Variants in MCTP2 observed in about 807,000 individuals in gnomAD.
MCTP2 encodes the protein multiple C2 and transmembrane domain containing 2.
In MCTP2, 132 loss-of-function variants were observed where a neutral mutation model predicts 111.6. The ratio of observed to expected loss-of-function variants is 1.18; its 90% CI spans 1.03 to 1.37. The LOEUF (loss-of-function observed/expected upper bound fraction) is 1.37. Ranked by LOEUF, MCTP2 falls within the 40% of genes most tolerant of loss-of-function variation. MCTP2 has a pLI of 0.00. For synonymous variants in MCTP2, 395 were observed against 387.7 expected (o/e 1.02, Z -0.22); for missense variants, 1,183 against 1,067.9 (o/e 1.11, Z -1.50).
intron 1 of MCTP2, among the ~76,000 whole-genome samples, chr15:94,267,538 TG>T (rs2073612092): frequency 6.6e-6 from 1 of 152,194 alleles, no homozygotes; most frequent in African/African-American, 2.4e-5. Flanking sequence ...GTGCAAGTCT[TG>T]GTGTGGAGAT....
chr15:94,431,056 C>T (rs1342726697), intron 17 of MCTP2, among the ~76,000 whole-genome samples: 1 of 152,064 alleles, frequency 6.6e-6, no homozygotes, highest in East Asian at 1.9e-4. Flanking sequence ...ATCTTCAATC[C>T]TCATATACAA....
At chr15:94,237,649 A>G (rs1791654086) in intron 1 of MCTP2, among the ~76,000 whole-genome samples, 1 of 152,224 alleles carries the variant, frequency 6.6e-6, no homozygotes, top group Non-Finnish European at 1.5e-5. Context: ...ATATTTTGAA[A>G]TGGTCCTGCA....
At chr15:94,437,641 A>C (rs182862353) in intron 17 of MCTP2, among the ~76,000 whole-genome samples, 46 of 152,260 alleles carry the variant, frequency 3.0e-4, no homozygotes, top group African/African-American at 1.1e-3. Context: ...ATTCTGAAAT[A>C]CACGTGGAAG....
intron 2 of MCTP2, among the ~76,000 whole-genome samples, chr15:94,313,347 C>T (rs898343066): frequency 6.6e-6 from 1 of 152,170 alleles, no homozygotes; most frequent in Non-Finnish European, 1.5e-5. Flanking sequence ...CTAACTACTG[C>T]ATGATGCAGG....
intron 17 of MCTP2, among the ~76,000 whole-genome samples, chr15:94,429,907 T>C (rs1303708969): frequency 1.3e-5 from 2 of 152,160 alleles, no homozygotes; most frequent in African/African-American, 4.8e-5. Flanking sequence ...GACAAATCCA[T>C]TCATCTAAGT....
At chr15:94,412,699 C>T in intron 17 of MCTP2, among the ~76,000 whole-genome samples, 1 of 151,840 alleles carries the variant, frequency 6.6e-6, no homozygotes, top group East Asian at 1.9e-4. Context: ...CTAAGTATGC[C>T]TTTGTTAATA....
chr15:94,402,028 C>T lies in MCTP2; in HGVS notation c.2085+9C>T, dbSNP rs764741385. 7 of 1,608,884 alleles carry T rather than the reference C, an allele frequency of 4.4e-6. No homozygotes were observed. In the African/African-American group the frequency reaches 5.4e-5, roughly 12 times the overall value. On this transcript the variant is annotated intron_variant, in intron 17 of 22. Transcript: ENST00000357742. ...GTACAATAGCATTCGCGGTAAGCTT[C>T]CTTTCTTATGTTCAAACTATTTGCT... is the stretch of plus-strand genomic sequence containing the variant.
chr15:94,367,157 C>T (rs1052823331), intron 10 of MCTP2, among the ~76,000 whole-genome samples: 4 of 150,844 alleles, frequency 2.7e-5, no homozygotes, highest in Admixed American at 6.7e-5. Context: ...CATTAACCCT[C>T]TCCCACTTGC....
chr15:94,468,714 A>G (rs1307430083), intron 20 of MCTP2, among the ~76,000 whole-genome samples: 2 of 152,126 alleles, frequency 1.3e-5, no homozygotes, highest in Admixed American at 6.5e-5. Flanking sequence ...GGCTCAATGC[A>G]ACCTCCACTT....
chr15:94,332,537 C>G (rs1231833205), intron 4 of MCTP2, among the ~76,000 whole-genome samples: 2 of 152,136 alleles, frequency 1.3e-5, no homozygotes, highest in African/African-American at 4.8e-5. Flanking sequence ...CCCTAAAGAG[C>G]TAGTAAATAA....
At chr15:94,441,104 C>T (rs559114771) in intron 18 of MCTP2, among the ~76,000 whole-genome samples, 10 of 152,122 alleles carry the variant, frequency 6.6e-5, no homozygotes, top group Non-Finnish European at 1.5e-4. Flanking sequence ...CTAGATGGAT[C>T]ACCTTCACAT....
At chr15:94,375,750 A>G (rs116855523) in intron 12 of MCTP2, among the ~76,000 whole-genome samples, 2,168 of 152,294 alleles carry the variant, frequency 0.014, 24 homozygotes, top group Middle Eastern at 0.041. Context: ...AGGAAAAATA[A>G]ATATGTTTCC....
At chr15:94,396,668 C>T (rs2081299726) in intron 14 of MCTP2, among the ~76,000 whole-genome samples, 1 of 152,140 alleles carries the variant, frequency 6.6e-6, no homozygotes, top group African/African-American at 2.4e-5. Context: ...TTAACCCAAA[C>T]ATATTCCAAA....
intron 1 of MCTP2, among the ~76,000 whole-genome samples, chr15:94,235,055 C>A (rs1179601026): frequency 1.3e-5 from 2 of 152,076 alleles, no homozygotes; most frequent in Non-Finnish European, 2.9e-5. Flanking sequence ...AGTTCGAGAC[C>A]GGCCTGGCCA....
At chr15:94,238,479 A>G (rs1374012845) in intron 1 of MCTP2, among the ~76,000 whole-genome samples, 5 of 152,188 alleles carry the variant, frequency 3.3e-5, no homozygotes, top group Non-Finnish European at 7.4e-5. Flanking sequence ...TCCAAGTAGA[A>G]GGCTTTTTTA....
chr15:94,295,768 A>T (rs1482385488), intron 1 of MCTP2, among the ~76,000 whole-genome samples: 1 of 152,180 alleles, frequency 6.6e-6, no homozygotes, highest in African/African-American at 2.4e-5. Flanking sequence ...ACAAAAAAAT[A>T]GCTGGGCATG....
At chr15:94,448,989 G>A (rs144091835) in intron 19 of MCTP2, among the ~76,000 whole-genome samples, 2,203 of 152,208 alleles carry the variant, frequency 0.014, 58 homozygotes, top group African/African-American at 0.05. Context: ...GCGGTGAGCC[G>A]AGATCGTGCC....
intron 8 of MCTP2, among the ~76,000 whole-genome samples, chr15:94,349,143 T>C (rs1480849525): frequency 1.3e-5 from 2 of 152,212 alleles, no homozygotes; most frequent in Middle Eastern, 3.2e-3. Context: ...TGATGCCTTA[T>C]TATGAAGTCT....
At chr15:94,367,076 A>G (rs1596484797) in intron 10 of MCTP2, among the ~76,000 whole-genome samples, 1 of 152,300 alleles carries the variant, frequency 6.6e-6, no homozygotes, top group African/African-American at 2.4e-5. Context: ...GCCTATTAGG[A>G]AAACACCTTA....
Sources: gnomAD v4.1 joint callset for allele counts (sites outside exome capture counted in the v4.1 genomes callset) on GRCh38, gnomAD v4.1.1 for gene constraint, MANE v1.5 for transcripts, NCBI Gene and HGNC (gene_info 2026-07-23, HGNC 2026-07-21) for gene names.